The following LYRM4 variants were observed in gnomAD, a reference collection of about 807,000 sequenced individuals.
The protein encoded by LYRM4 is LYR motif containing 4, also known as LYR motif-containing protein 4.
LYRM4 carries 9 observed loss-of-function variants against 11.7 expected under a neutral mutation model. The ratio of observed to expected loss-of-function variants is 0.77; its 90% CI spans 0.46 to 1.34. LYRM4 has a LOEUF of 1.34. LYRM4 is among the 40% of genes most tolerant of loss of function. LYRM4 has a pLI of 0.00. For synonymous variants in LYRM4, 42 were observed against 40.4 expected, an observed-to-expected ratio of 1.04 and a Z score of -0.15; for missense variants, 133 against 112.5, an observed-to-expected ratio of 1.18 and a Z score of -0.82.
At chr6:5,217,755 A>G (rs1347296467) in intron 1 of LYRM4, among the ~76,000 whole-genome samples, 1 of 152,200 alleles carries the variant, frequency 6.6e-6, no homozygotes, top group African/African-American at 2.4e-5. Context: ...AGTGGTGTGG[A>G]TAATTAGCCA....
At chr6:5,199,582 G>C (rs894889528) in intron 2 of LYRM4, among the ~76,000 whole-genome samples, 2 of 152,168 alleles carry the variant, frequency 1.3e-5, no homozygotes, top group African/African-American at 4.8e-5. Flanking sequence ...CAATATTGCA[G>C]GGAAGAACAG....
chr6:5,052,020 C>T, the LYRM4 span, among the ~76,000 whole-genome samples: 1 of 152,098 alleles, frequency 6.6e-6, no homozygotes, highest in East Asian at 1.9e-4. Flanking sequence ...CCAAACACTT[C>T]CCATTAGGCC....
At chr6:5,257,180 C>T (rs1461205863) in intron 1 of LYRM4, among the ~76,000 whole-genome samples, 1 of 152,078 alleles carries the variant, frequency 6.6e-6, no homozygotes, top group Non-Finnish European at 1.5e-5. Flanking sequence ...GGGTAAAGTC[C>T]AGGGTCCTCA....
chr6:5,156,865 C>T (rs933951006), intron 2 of LYRM4, among the ~76,000 whole-genome samples: 1 of 152,174 alleles, frequency 6.6e-6, no homozygotes, highest in African/African-American at 2.4e-5. Flanking sequence ...TGCTCATGAA[C>T]CTGCAAAGCT....
In LYRM4 at chr6:5,166,432, ATTC is replaced by A. The variant is rs533833685; in HGVS notation, c.207+50183_207+50185del. ...TTTAAGCTGAATAGATCATGCAGTT[ATTC>A]TTCATTTGTTTTCAAGGTATTCTAC... is the stretch of plus-strand genomic sequence containing the variant. On this transcript the variant is annotated intron_variant, in intron 2 of 2. Coordinates refer to ENST00000330636, the MANE Select transcript of LYRM4 (RefSeq NM_020408.6). Among the ~76,000 whole-genome samples, 29 of 152,332 alleles carry A rather than the reference ATTC, an allele frequency of 1.9e-4. No individual in the cohort carries two copies. In the South Asian group the frequency reaches 5.8e-3, roughly 30 times the overall value.
chr6:5,041,009 TAC>T, the LYRM4 span, among the ~76,000 whole-genome samples: 1 of 151,764 alleles, frequency 6.6e-6, no homozygotes, highest in Admixed American at 6.6e-5. Context: ...CTTAAGAAGT[TAC>T]AGTTAGCTGG....
the LYRM4 span, among the ~76,000 whole-genome samples, chr6:5,051,558 A>G: frequency 6.6e-6 from 1 of 152,208 alleles, no homozygotes; most frequent in African/African-American, 2.4e-5. Context: ...AAAACAAAAC[A>G]AAAGTGTTGA....
intron 2 of LYRM4, among the ~76,000 whole-genome samples, chr6:5,153,106 T>C (rs1758188578): frequency 6.6e-6 from 1 of 152,170 alleles, no homozygotes; most frequent in Non-Finnish European, 1.5e-5. Context: ...TATTATTATT[T>C]TTTTTGTGTG....
intron 1 of LYRM4, among the ~76,000 whole-genome samples, chr6:5,224,913 T>A (rs952605957): frequency 2.6e-5 from 4 of 151,744 alleles, no homozygotes; most frequent in African/African-American, 9.7e-5. Flanking sequence ...TGAGCCGAGA[T>A]TGCGCCACTG....
chr6:5,256,887 T>C (rs1764703258), intron 1 of LYRM4, among the ~76,000 whole-genome samples: 1 of 152,212 alleles, frequency 6.6e-6, no homozygotes, highest in African/African-American at 2.4e-5. Context: ...GAAACCTGGA[T>C]GCCATTCTAG....
chr6:5,032,465 T>C, the LYRM4 span: 1 of 152,252 alleles, frequency 6.6e-6, no homozygotes, highest in South Asian at 2.1e-4. Flanking sequence ...TTTAAACTTA[T>C]TGTTTACAGC....
chr6:5,130,757 C>T (rs1280665120), intron 2 of LYRM4, among the ~76,000 whole-genome samples: 2 of 151,924 alleles, frequency 1.3e-5, no homozygotes, highest in Admixed American at 1.3e-4. Context: ...CTGGTATCCT[C>T]TTATACATAA....
chr6:5,168,793 C>T lies in LYRM4; in HGVS notation c.207+47825G>A, dbSNP rs188597052. On this transcript the variant is annotated intron_variant, in intron 2 of 2. Transcript: ENST00000330636. Reference sequence around the variant, plus strand: ...GGTACTGTGGTTATGTACGAGAACACGCTTCTTCTTAGGAGACGTATGTTG... The same window carrying T: ...GGTACTGTGGTTATGTACGAGAACATGCTTCTTCTTAGGAGACGTATGTTG... Among the ~76,000 whole-genome samples, 7 of 152,244 alleles carry T rather than the reference C, an allele frequency of 4.6e-5. No homozygotes were observed. In the East Asian group the frequency reaches 5.8e-4, roughly 13 times the overall value.
At chr6:5,167,180 A>C (rs1759134451) in intron 2 of LYRM4, among the ~76,000 whole-genome samples, 1 of 152,184 alleles carries the variant, frequency 6.6e-6, no homozygotes, top group African/African-American at 2.4e-5. Context: ...TAAAACAAAA[A>C]CCTTACATTA....
chr6:5,213,325 G>A (rs557023476), intron 2 of LYRM4, among the ~76,000 whole-genome samples: 13 of 152,202 alleles, frequency 8.5e-5, no homozygotes, highest in Non-Finnish European at 1.9e-4. Flanking sequence ...TATGGGACGC[G>A]GGGGTGGAGG....
chr6:5,242,294 G>A (rs960315616), intron 1 of LYRM4, among the ~76,000 whole-genome samples: 2 of 151,636 alleles, frequency 1.3e-5, no homozygotes, highest in Non-Finnish European at 2.9e-5. Flanking sequence ...GGATGGTCTC[G>A]ATCTCCTGAC....
chr6:5,138,868 T>G, intron 2 of LYRM4: 1 of 631,664 alleles, frequency 1.6e-6, no homozygotes, highest in Non-Finnish European at 2.7e-6. Context: ...GAAATGAGAT[T>G]AATCCTTTAG....
chr6:5,152,615 C>A (rs1186644334), intron 2 of LYRM4, among the ~76,000 whole-genome samples: 4 of 152,206 alleles, frequency 2.6e-5, no homozygotes, highest in African/African-American at 2.4e-5. Flanking sequence ...CTCTGTTGTA[C>A]ACGCTTCCTC....
In LYRM4 at chr6:5,175,662, A is replaced by G. The variant is rs79228937; in HGVS notation, c.207+40956T>C. On this transcript the variant is annotated intron_variant, in intron 2 of 2. Transcript: ENST00000330636. ...CCCTGCCATTGAGAATCGGGGGTCT[A>G]TGTTCCCACACTTTGAATCTGAGCC... 7.0e-4 allele frequency among the ~76,000 whole-genome samples: 106 copies of G among 152,302 alleles called. 4 individuals carry two copies. The East Asian group carries it at 0.013, about 19-fold the overall frequency.
Sources: allele counts gnomAD v4.1 joint callset (sites outside exome capture counted in the v4.1 genomes callset), GRCh38; gene constraint gnomAD v4.1.1; transcripts MANE v1.5; gene names NCBI Gene and HGNC (gene_info 2026-07-23, HGNC 2026-07-21).